Variants in SGCZ observed in about 807,000 individuals in gnomAD.
SGCZ encodes zeta-sarcoglycan.
In SGCZ, 40 loss-of-function variants were observed where a neutral mutation model predicts 41.3. The ratio of observed to expected loss-of-function variants is 0.97; its 90% CI spans 0.75 to 1.26. The LOEUF (loss-of-function observed/expected upper bound fraction) is 1.26. SGCZ is among the 50% of genes most tolerant of loss of function. The pLI, the probability that SGCZ is intolerant of heterozygous loss-of-function variation, is 0.00. For synonymous variants in SGCZ, 206 were observed against 137.5 expected (o/e 1.50, Z -3.49); for missense variants, 552 against 369.8 (o/e 1.49, Z -4.04).
intron 1 of SGCZ, among the ~76,000 whole-genome samples, chr8:15,115,103 A>G (rs1185512851): frequency 1.3e-5 from 2 of 152,156 alleles, no homozygotes; most frequent in African/African-American, 4.8e-5. Flanking sequence ...ATAAGAGTTT[A>G]TTTCTGGCAC....
rs917063027 is a variant in SGCZ at position 14,822,246 on chromosome 8, C to CA, written c.40-267321dup. The stretch of plus-strand genomic sequence containing the variant: ...AAAACAATTTCATTTCTGATAGCTA[C>CA]AAAAAAAATGATAGCTAAGAATAAA... On this transcript the variant is annotated intron_variant, in intron 1 of 7. Coordinates refer to ENST00000382080, the MANE Select transcript of SGCZ (RefSeq NM_139167.4). Among the ~76,000 whole-genome samples, 23 of 151,334 alleles carry CA rather than the reference C, an allele frequency of 1.5e-4. No individual in the cohort carries two copies. The East Asian group carries it at 2.3e-3, about 15-fold the overall frequency.
At chr8:14,392,536 A>G (rs1804813075) in intron 2 of SGCZ, among the ~76,000 whole-genome samples, 1 of 152,200 alleles carries the variant, frequency 6.6e-6, no homozygotes. Flanking sequence ...ATTGTACTAT[A>G]TTCATTTCAG....
chr8:14,422,721 A>T (rs1799668430), intron 2 of SGCZ, among the ~76,000 whole-genome samples: 1 of 152,192 alleles, frequency 6.6e-6, no homozygotes, highest in South Asian at 2.1e-4. Context: ...GTCTAGAATA[A>T]TTTCAAAATA....
At chr8:14,395,664 T>C (rs1798896435) in intron 2 of SGCZ, among the ~76,000 whole-genome samples, 1 of 152,186 alleles carries the variant, frequency 6.6e-6, no homozygotes, top group African/African-American at 2.4e-5. Flanking sequence ...GAATCAATAC[T>C]CTAAAATACC....
chr8:14,777,193 A>T (rs2252461), intron 1 of SGCZ, among the ~76,000 whole-genome samples: 91,979 of 151,996 alleles, frequency 0.61, 28,852 homozygotes, highest in Middle Eastern at 0.69. Context: ...CCTAAGAGAA[A>T]CTAGGGCATT....
intron 7 of SGCZ, among the ~76,000 whole-genome samples, chr8:14,099,983 C>A (rs1353085785): frequency 6.6e-6 from 1 of 152,080 alleles, no homozygotes; most frequent in Non-Finnish European, 1.5e-5. Context: ...TACCTCAATA[C>A]CATGACTGAT....
intron 1 of SGCZ, among the ~76,000 whole-genome samples, chr8:14,624,824 G>C (rs1806401093): frequency 6.6e-6 from 1 of 151,816 alleles, no homozygotes; most frequent in African/African-American, 2.4e-5. Context: ...ACCCGCCATA[G>C]CCTCCCAAAG....
chr8:14,254,543 T>C (rs999150614), intron 3 of SGCZ, among the ~76,000 whole-genome samples: 20 of 152,350 alleles, frequency 1.3e-4, no homozygotes, highest in African/African-American at 3.8e-4. Flanking sequence ...ATTTTAAAAA[T>C]TGAATCCAGC....
chr8:14,238,473 A>G (rs1806847944), intron 3 of SGCZ, among the ~76,000 whole-genome samples: 1 of 152,204 alleles, frequency 6.6e-6, no homozygotes. Context: ...TGATTTTTGT[A>G]AATTCTCCTT....
At chr8:14,358,219 A>C (rs1803365508) in intron 2 of SGCZ, among the ~76,000 whole-genome samples, 1 of 152,210 alleles carries the variant, frequency 6.6e-6, no homozygotes, top group Non-Finnish European at 1.5e-5. Flanking sequence ...GACTAGATCT[A>C]TAAACTATAA....
chr8:14,880,344 C>A (rs1287549302), intron 1 of SGCZ, among the ~76,000 whole-genome samples: 1 of 152,138 alleles, frequency 6.6e-6, no homozygotes, highest in Non-Finnish European at 1.5e-5. Context: ...AACACTTTTA[C>A]ACTGTTGGTG....
chr8:15,012,360 G>A (rs1201488609), intron 1 of SGCZ, among the ~76,000 whole-genome samples: 2 of 150,934 alleles, frequency 1.3e-5, no homozygotes, highest in Admixed American at 6.6e-5. Flanking sequence ...TTATTTGGGA[G>A]GCTGAAGTGA....
At chr8:14,862,191 C>T (rs1038931998) in intron 1 of SGCZ, among the ~76,000 whole-genome samples, 4 of 151,872 alleles carry the variant, frequency 2.6e-5, no homozygotes, top group African/African-American at 7.3e-5. Context: ...ACCAGAAGAC[C>T]GTAGAAGGGC....
intron 2 of SGCZ, among the ~76,000 whole-genome samples, chr8:14,335,342 A>G (rs1357920316): frequency 6.6e-6 from 1 of 152,074 alleles, no homozygotes; most frequent in African/African-American, 2.4e-5. Context: ...GCTTCTTTGA[A>G]GGGTGCTGTA....
chr8:14,748,535 T>C (rs1041949719), intron 1 of SGCZ, among the ~76,000 whole-genome samples: 1 of 152,156 alleles, frequency 6.6e-6, no homozygotes, highest in African/African-American at 2.4e-5. Flanking sequence ...GACTCTGCTT[T>C]TTAAATACAG....
chr8:14,307,668 A>G (rs1022661642), intron 3 of SGCZ, among the ~76,000 whole-genome samples: 7 of 152,152 alleles, frequency 4.6e-5, no homozygotes, highest in Admixed American at 4.6e-4. Context: ...AAAATTTGTG[A>G]TCTGTCCCAT....
At chr8:14,335,092 G>C (rs1802464400) in intron 2 of SGCZ, among the ~76,000 whole-genome samples, 1 of 152,248 alleles carries the variant, frequency 6.6e-6, no homozygotes, top group South Asian at 2.1e-4. Context: ...GGATTAGGCA[G>C]CAATATGATT....
At chr8:14,279,038 A>C (rs2117283637) in intron 3 of SGCZ, among the ~76,000 whole-genome samples, 2 of 152,216 alleles carry the variant, frequency 1.3e-5, no homozygotes, top group African/African-American at 4.8e-5. Flanking sequence ...GCAAAATAAA[A>C]TAATGTGATA....
At chr8:14,786,904 C>T (rs1316749981) in intron 1 of SGCZ, among the ~76,000 whole-genome samples, 1 of 150,468 alleles carries the variant, frequency 6.6e-6, no homozygotes, top group Admixed American at 6.6e-5. Context: ...CCCATACAAC[C>T]ATGCTGTATG....
Sources: gnomAD v4.1 joint callset for allele counts (sites outside exome capture counted in the v4.1 genomes callset) on GRCh38, gnomAD v4.1.1 for gene constraint, MANE v1.5 for transcripts, NCBI Gene and HGNC (gene_info 2026-07-23, HGNC 2026-07-21) for gene names.